TXNDC11: variants seen among roughly 807,000 people sequenced by gnomAD.
TXNDC11 encodes thioredoxin domain containing 11.
Under a neutral mutation model 78.0 loss-of-function variants are expected in TXNDC11, and 68 were observed. The observed-to-expected ratio is 0.87, with a 90% confidence interval of 0.72 to 1.07. The LOEUF (loss-of-function observed/expected upper bound fraction) is 1.07, where lower values mean the gene tolerates loss of function less well. Among genes scored for constraint, TXNDC11 ranks in the 50% least tolerant of loss-of-function variants. The pLI, the probability that TXNDC11 is intolerant of heterozygous loss-of-function variation, is 0.00. For synonymous variants in TXNDC11, 571 were observed against 495.2 expected (o/e 1.15, Z -2.03); for missense variants, 1,389 against 1,221.8 (o/e 1.14, Z -2.04).
In TXNDC11 at chr16:11,736,018, T is replaced by C. The variant is rs2052209736; in HGVS notation, c.470A>G (p.Gln157Arg). The C allele has an allele frequency of 1.9e-6, 3 of 1,613,596 alleles. No individual in the cohort carries two copies. The highest frequency in any genetic ancestry group is 1.3e-5 in the African/African-American group (1 of 75,046). The change falls in exon 2 of 12, where the codon CAG becomes CGG. Residue 157 changes from glutamine to arginine, a missense_variant and splice_region_variant. By Grantham distance (43) the Gln-to-Arg change is conservative. Coordinates refer to ENST00000283033, the MANE Select transcript of TXNDC11 (RefSeq NM_015914.7). The stretch of plus-strand genomic sequence containing the variant: ...TCTTAAGCTGAATGTGAGCATTACC[T>C]GATCTGAAAGCCGACTTGCTGCTTG... Reference protein sequence around the residue: ...IEQAASRLSDQVLFVAINCWW... With the variant: ...IEQAASRLSDRVLFVAINCWW...
rs1293747499 is a variant in TXNDC11, at chr16:11,742,855, C to T, written c.-125G>A. 7.8e-7 allele frequency: 1 copy of T among 1,290,216 alleles called. No individual in the cohort carries two copies. Among genetic ancestry groups the T allele is most frequent in the Non-Finnish European group, 9.9e-7 (1 of 1,014,920 alleles). The allele number at this position is 1,290,216 out of a possible 1,614,324, so 79.9% of individuals were successfully genotyped here. On this transcript the variant is annotated 5_prime_UTR_variant, in exon 1 of 12. Transcript: ENST00000283033. ...GCTAACCCGGACGCTCCACGTCAGC[C>T]GCGCCGCCGCCGCGGGGTCCGCCCC...
At chr16:11,712,604 A>G (rs2051394739) in intron 5 of TXNDC11, among the ~76,000 whole-genome samples, 1 of 152,100 alleles carries the variant, frequency 6.6e-6, no homozygotes, top group Non-Finnish European at 1.5e-5. Flanking sequence ...TCTGATTCTA[A>G]CCTCACGTGC....
At chr16:11,695,519 T>C (rs77266068) in intron 7 of TXNDC11, among the ~76,000 whole-genome samples, 10,568 of 152,304 alleles carry the variant, frequency 0.069, 541 homozygotes, top group South Asian at 0.13. Context: ...ACAGCTCATC[T>C]TGCGTAAGTA....
In TXNDC11 at chr16:11,736,465, G is replaced by A. The variant is rs181171991; in HGVS notation, c.255-232C>T. Among the ~76,000 whole-genome samples, 194 of 152,270 alleles carry A rather than the reference G, an allele frequency of 1.3e-3. 4 individuals are homozygous for A. Among genetic ancestry groups the A allele is most frequent in the Admixed American group, 0.012 (184 of 15,308 alleles). On this transcript the variant is annotated intron_variant, in intron 1 of 11. Transcript: ENST00000283033. ...CCTAGGTGTAGGCTGGAAGGGCAGTGGAGAGCAGAGAAGGATGTCTCTGAA... is the reference window on the plus strand; with the variant it reads ...CCTAGGTGTAGGCTGGAAGGGCAGTAGAGAGCAGAGAAGGATGTCTCTGAA...
intron 5 of TXNDC11, among the ~76,000 whole-genome samples, chr16:11,711,679 C>T (rs979579180): frequency 2.6e-5 from 4 of 152,200 alleles, no homozygotes; most frequent in Admixed American, 1.3e-4. Flanking sequence ...ACCTTAATTC[C>T]CCCTTGCCAT....
chr16:11,713,110 GAAAAA>G (rs35333554), intron 5 of TXNDC11, among the ~76,000 whole-genome samples: 4 of 111,820 alleles, frequency 3.6e-5, no homozygotes, highest in African/African-American at 1.3e-4. Flanking sequence ...TCTGTCTCAG[GAAAAA>G]AAAAAAAAAA....
At position 11,734,008 on chromosome 16, in the gene TXNDC11, A is replaced by G. The variant is rs758385789; in HGVS notation, c.543T>C (p.Phe181=). 6.8e-6 allele frequency: 11 copies of G among 1,607,020 alleles called. No homozygotes were observed. Among genetic ancestry groups the G allele is most frequent in the Admixed American group, 5.2e-5 (3 of 58,090 alleles). The change falls in exon 3 of 12, where the codon TTT becomes TTC. Residue 181 remains phenylalanine (F), a synonymous_variant. Transcript: ENST00000283033. ...KCRKQKHFFY[F]PVIYLYHRSF... ...TCCGATGATACAGATATATTACAGG[A>G]AAATAAAAGAAGTGTTTCTGTTTTC...
intron 8 of TXNDC11, 96 bp downstream of exon 8, chr16:11,691,194 C>T (rs2050703320): frequency 9.4e-7 from 1 of 1,063,828 alleles, no homozygotes; most frequent in African/African-American, 1.6e-5. Context: ...GTGACATCAC[C>T]CCACAACTAA....
At chr16:11,737,638 C>G (rs375807990) in intron 1 of TXNDC11, among the ~76,000 whole-genome samples, 4 of 151,526 alleles carry the variant, frequency 2.6e-5, no homozygotes, top group East Asian at 1.9e-4. Context: ...CCGAGGCAGG[C>G]AGACCACGAG....
chr16:11,730,792 AAATAAAAATAAAAAT>A lies in TXNDC11; in HGVS notation c.570-33_570-19del. On this transcript the variant is annotated intron_variant, in intron 3 of 11. Transcript: ENST00000283033. ...GTCCAAAACTAGTACCAAAAAATAAAAATAAAAATAAAAATAATAAAAATAATACACCATGCATTA... is the reference window on the plus strand; with the variant it reads ...GTCCAAAACTAGTACCAAAAAATAAAAATAAAAATAATACACCATGCATTA... The A allele has an allele frequency of 1.3e-6, 2 of 1,497,196 alleles. No homozygotes were observed. Among genetic ancestry groups the A allele is most frequent in the South Asian group, 2.8e-5 (2 of 71,364 alleles). 92.7% of individuals were successfully genotyped at this position (1,497,196 alleles called of 1,614,324 possible).
At chr16:11,713,457 C>T (rs2141066387) in intron 5 of TXNDC11, among the ~76,000 whole-genome samples, 1 of 151,920 alleles carries the variant, frequency 6.6e-6, no homozygotes, top group Non-Finnish European at 1.5e-5. Context: ...GCTCTTGTTG[C>T]CTAGGCTGGA....
intron 4 of TXNDC11, among the ~76,000 whole-genome samples, chr16:11,723,674 C>T (rs538827087): frequency 5.3e-5 from 8 of 152,068 alleles, no homozygotes; most frequent in Non-Finnish European, 1.2e-4. Context: ...TAGAATTTTA[C>T]AAACAATATG....
intron 7 of TXNDC11, among the ~76,000 whole-genome samples, chr16:11,694,215 T>C (rs548898585): frequency 6.8e-6 from 1 of 146,768 alleles, no homozygotes; most frequent in Non-Finnish European, 1.5e-5. Context: ...GTTCAAGCAA[T>C]TCTCCTGCCT....
Position 11,742,769 on chromosome 16 carries a change from G to A in TXNDC11, c.-39C>T. 2 of 1,419,086 alleles carry A rather than the reference G, an allele frequency of 1.4e-6. No homozygotes were observed. The allele number at this position is 1,419,086 out of a possible 1,614,324, so 87.9% of individuals were successfully genotyped here. On this transcript the variant is annotated 5_prime_UTR_variant, in exon 1 of 12. Coordinates refer to ENST00000283033, the MANE Select transcript of TXNDC11 (RefSeq NM_015914.7). ...TCGCCGGCTTTATACCGCCGCCGCC[G>A]CCTCGGGCCCGAAGGCCCGGCCCGG...
At chr16:11,705,664 T>C (rs915218388) in intron 5 of TXNDC11, among the ~76,000 whole-genome samples, 18 of 152,244 alleles carry the variant, frequency 1.2e-4, no homozygotes, top group Non-Finnish European at 2.2e-4. Context: ...AGTCTGCCCA[T>C]ACAGAACAAA....
At chr16:11,700,603 G>C (rs2050986213) in intron 5 of TXNDC11, 39 bp from the exon 6 acceptor site, 2 of 1,048,636 alleles carry the variant, frequency 1.9e-6, no homozygotes, top group Non-Finnish European at 3.0e-6. Context: ...GAAAAGGCCT[G>C]TGCCTTAAAA....
rs538080104 is a variant in TXNDC11, at chr16:11,742,829, C to T, written c.-99G>A. ...CCCCAATCCCGCAGCTCGCCGCACCCGCTAACCCGGACGCTCCACGTCAGC... is the reference window on the plus strand; with the variant it reads ...CCCCAATCCCGCAGCTCGCCGCACCTGCTAACCCGGACGCTCCACGTCAGC... On this transcript the variant is annotated 5_prime_UTR_variant, in exon 1 of 12. Transcript: ENST00000283033. 5.5e-5 allele frequency: 75 copies of T among 1,360,268 alleles called. No individual in the cohort carries two copies. The highest frequency in any genetic ancestry group is 1.9e-5 in the South Asian group (1 of 52,326). The allele number at this position is 1,360,268 out of a possible 1,614,324, so 84.3% of individuals were successfully genotyped here. A position where few individuals can be genotyped will look rare whatever the true frequency, so the allele number is the denominator to read the frequency against.
chr16:11,691,810 C>A lies in TXNDC11; in HGVS notation c.1380G>T (p.Val460=), dbSNP rs372331977. 1.6e-5 allele frequency: 26 copies of A among 1,614,130 alleles called. No homozygotes were observed. In the African/African-American group the frequency reaches 2.8e-4, roughly 17 times the overall value. ...CCATTTCAAAAAAGCTGCACTGTGG[C>A]ACGCTGACCGAGCTCGGCTTCATGC... ...SGGMKPSSVS[V]PQCSFFEMAA... The change falls in exon 8 of 12, where the codon GTG becomes GTT. Residue 460 remains valine (V), a synonymous_variant. Transcript: ENST00000283033.
chr16:11,681,758 G>C (rs1445002621), intron 11 of TXNDC11, among the ~76,000 whole-genome samples: 1 of 152,240 alleles, frequency 6.6e-6, no homozygotes, highest in Non-Finnish European at 1.5e-5. Context: ...GGCTGGAGGA[G>C]CACCTGCTCG....
Sources: allele counts gnomAD v4.1 joint callset (sites outside exome capture counted in the v4.1 genomes callset), GRCh38; gene constraint gnomAD v4.1.1; transcripts MANE v1.5; gene names NCBI Gene and HGNC (gene_info 2026-07-23, HGNC 2026-07-21).